EPHA6: variants seen among roughly 807,000 people sequenced by gnomAD.
The protein encoded by EPHA6 is ephrin type-A receptor 6.
Under a neutral mutation model 112.0 loss-of-function variants are expected in EPHA6, and 50 were observed. The ratio of observed to expected loss-of-function variants is 0.45; its 90% CI spans 0.36 to 0.56. EPHA6 has a LOEUF of 0.56. Among genes scored for constraint, EPHA6 ranks in the 20% least tolerant of loss-of-function variants. The probability of loss-of-function intolerance (pLI) is 0.00; values close to 1 mark genes in which losing one functional copy is unlikely to be tolerated. For synonymous variants in EPHA6, 529 were observed against 490.7 expected, an observed-to-expected ratio of 1.08 and a Z score of -1.03; for missense variants, 1,280 against 1,417.4, an observed-to-expected ratio of 0.90 and a Z score of 1.56.
At chr3:97,534,592 A>C (rs2107655068) in intron 11 of EPHA6, among the ~76,000 whole-genome samples, 1 of 152,210 alleles carries the variant, frequency 6.6e-6, no homozygotes, top group Non-Finnish European at 1.5e-5. Flanking sequence ...AGAATAGGAA[A>C]AAAATATTCA....
chr3:97,596,850 G>A (rs1042335893), intron 12 of EPHA6, among the ~76,000 whole-genome samples: 15 of 104,636 alleles, frequency 1.4e-4, no homozygotes, highest in African/African-American at 5.3e-4. Context: ...GTTTGGTCTA[G>A]CAACAATTCC....
chr3:97,512,277 A>T lies in EPHA6; in HGVS notation c.2201-20081A>T, dbSNP rs1343718541. Among the ~76,000 whole-genome samples, 7 of 152,254 alleles carry T rather than the reference A, an allele frequency of 4.6e-5. No individual in the cohort carries two copies. In the East Asian group the frequency reaches 1.3e-3, roughly 29 times the overall value. ...ACAGAGGTATTAGTAATTATCTATGAGTATTTTTCATTTAAGATAAAATGA... is the reference window on the plus strand; with the variant it reads ...ACAGAGGTATTAGTAATTATCTATGTGTATTTTTCATTTAAGATAAAATGA... On this transcript the variant is annotated intron_variant, in intron 10 of 17. Coordinates refer to ENST00000389672, the MANE Select transcript of EPHA6 (RefSeq NM_001080448.3).
At position 97,472,971 on chromosome 3, in the gene EPHA6, G is replaced by A. The variant is rs1057009797; in HGVS notation, c.1895-2381G>A. 3.3e-5 allele frequency among the ~76,000 whole-genome samples: 5 copies of A among 151,590 alleles called. No homozygotes were observed. The East Asian group carries it at 9.7e-4, about 29-fold the overall frequency. ...CTTGAGAAAGTAACTGTTTAAACTA[G>A]GAATGATAATAGTACCTACCTATCA... On this transcript the variant is annotated intron_variant, in intron 7 of 17. Coordinates refer to ENST00000389672, the MANE Select transcript of EPHA6 (RefSeq NM_001080448.3).
At chr3:97,744,948 T>C (rs1424175706) in intron 16 of EPHA6, among the ~76,000 whole-genome samples, 1 of 151,990 alleles carries the variant, frequency 6.6e-6, no homozygotes, top group African/African-American at 2.4e-5. Flanking sequence ...CGTTTTGAAA[T>C]AGGACACTCA....
intron 1 of EPHA6, among the ~76,000 whole-genome samples, chr3:96,820,169 AG>A (rs1398176767): frequency 6.6e-6 from 1 of 152,122 alleles, no homozygotes; most frequent in African/African-American, 2.4e-5. Context: ...CAAGGAAGAG[AG>A]TTGCAGAAAG....
At chr3:97,699,041 G>A (rs2033208871) in intron 14 of EPHA6, among the ~76,000 whole-genome samples, 1 of 152,164 alleles carries the variant, frequency 6.6e-6, no homozygotes, top group Non-Finnish European at 1.5e-5. Context: ...ATCAAATTCT[G>A]GAAATTGTGA....
At chr3:97,197,590 G>A (rs577165956) in intron 3 of EPHA6, among the ~76,000 whole-genome samples, 1 of 151,814 alleles carries the variant, frequency 6.6e-6, no homozygotes, top group South Asian at 2.1e-4. Flanking sequence ...TTTTTCTCAA[G>A]CAGAAAGAAG....
chr3:97,496,649 TTGG>T (rs2091986077), intron 10 of EPHA6, among the ~76,000 whole-genome samples: 1 of 152,126 alleles, frequency 6.6e-6, no homozygotes, highest in South Asian at 2.1e-4. Flanking sequence ...TTAGGTGAAT[TTGG>T]CTGTGTTCCT....
At chr3:97,661,177 C>T (rs2094167492) in intron 14 of EPHA6, among the ~76,000 whole-genome samples, 3 of 152,114 alleles carry the variant, frequency 2.0e-5, no homozygotes, top group South Asian at 4.1e-4. Flanking sequence ...ATATTATACA[C>T]TGCACTTTTC....
At chr3:97,537,581 TTTTGTTTG>T (rs138411883) in intron 11 of EPHA6, among the ~76,000 whole-genome samples, 1 of 152,120 alleles carries the variant, frequency 6.6e-6, no homozygotes, top group African/African-American at 2.4e-5. Flanking sequence ...TCTAGTCAAC[TTTTGTTTG>T]TTTGTTTGAG....
At chr3:97,544,356 G>A (rs1025065630) in intron 11 of EPHA6, among the ~76,000 whole-genome samples, 51 of 152,180 alleles carry the variant, frequency 3.4e-4, no homozygotes, top group African/African-American at 1.1e-3. Context: ...TAATCATGTG[G>A]TTTTTGTCTT....
rs138080664 is a variant in EPHA6 at position 97,466,865 on chromosome 3, C to T, written c.1895-8487C>T. Reference sequence around the variant, plus strand: ...TCCTGAAGATGTTGTGCTATTTATACCTTCGTAGTATTTGTGATGTTTCCT... The same window carrying T: ...TCCTGAAGATGTTGTGCTATTTATATCTTCGTAGTATTTGTGATGTTTCCT... On this transcript the variant is annotated intron_variant, in intron 7 of 17. Transcript: ENST00000389672. 2.6e-5 allele frequency among the ~76,000 whole-genome samples: 4 copies of T among 152,052 alleles called. No homozygotes were observed. The East Asian group carries it at 7.8e-4, about 29-fold the overall frequency.
intron 2 of EPHA6, among the ~76,000 whole-genome samples, chr3:96,945,446 C>G (rs2041203396): frequency 6.6e-6 from 1 of 152,124 alleles, no homozygotes; most frequent in African/African-American, 2.4e-5. Flanking sequence ...GTTGTGTAAG[C>G]CATGCATTCG....
At chr3:97,302,335 C>T (rs2081127260) in intron 5 of EPHA6, among the ~76,000 whole-genome samples, 1 of 151,828 alleles carries the variant, frequency 6.6e-6, no homozygotes, top group Non-Finnish European at 1.5e-5. Flanking sequence ...ATGAACTGCT[C>T]TTGTCATAAT....
intron 2 of EPHA6, among the ~76,000 whole-genome samples, chr3:96,980,993 C>T (rs2042746326): frequency 6.6e-6 from 1 of 152,188 alleles, no homozygotes; most frequent in Admixed American, 6.5e-5. Flanking sequence ...ATGTCATCTG[C>T]AAACAGGGAC....
chr3:97,291,035 T>G (rs1032225467), intron 5 of EPHA6, among the ~76,000 whole-genome samples: 13 of 152,198 alleles, frequency 8.5e-5, no homozygotes, highest in Non-Finnish European at 1.5e-4. Context: ...GCTATAAACT[T>G]TCCTCTTAGC....
At chr3:97,144,538 T>A (rs1161278503) in intron 3 of EPHA6, among the ~76,000 whole-genome samples, 2 of 151,206 alleles carry the variant, frequency 1.3e-5, no homozygotes, top group Admixed American at 6.6e-5. Context: ...TATTGGTAGA[T>A]TAATATATTT....
intron 13 of EPHA6, among the ~76,000 whole-genome samples, chr3:97,635,048 T>G (rs1227454748): frequency 6.6e-6 from 1 of 151,942 alleles, no homozygotes; most frequent in Non-Finnish European, 1.5e-5. Context: ...CTCCTGCAGT[T>G]TTACCCATCA....
chr3:96,834,018 G>A (rs2034248010), intron 1 of EPHA6, among the ~76,000 whole-genome samples: 1 of 151,838 alleles, frequency 6.6e-6, no homozygotes, highest in African/African-American at 2.4e-5. Flanking sequence ...AATAATCTAA[G>A]ATTTTAACTA....
Sources: allele counts gnomAD v4.1 joint callset (sites outside exome capture counted in the v4.1 genomes callset), GRCh38; gene constraint gnomAD v4.1.1; transcripts MANE v1.5; gene names NCBI Gene and HGNC (gene_info 2026-07-23, HGNC 2026-07-21).